The following MTM1 variants were observed in gnomAD, a reference collection of about 807,000 sequenced individuals.
The protein encoded by MTM1 is myotubularin.
Under a neutral mutation model 52.1 loss-of-function variants are expected in MTM1, and 9 were observed. The observed-to-expected ratio is 0.17, with a 90% CI of 0.10 to 0.30. The LOEUF (loss-of-function observed/expected upper bound fraction) is 0.30. Among genes scored for constraint, MTM1 ranks in the 10% least tolerant of loss-of-function variants. MTM1 has a pLI of 1.00. For synonymous variants in MTM1, 136 were observed against 163.8 expected, an observed-to-expected ratio of 0.83 and a Z score of 1.29; for missense variants, 277 against 470.7, an observed-to-expected ratio of 0.59 and a Z score of 3.81.
chrX:150,655,522 C>T (rs1355954230), intron 10 of MTM1, among the ~76,000 whole-genome samples: 1 of 111,289 alleles, frequency 9.0e-6, no homozygotes, highest in Non-Finnish European at 1.9e-5. Context: ...GGATAAATAA[C>T]GTGGTCTATC....
chrX:150,567,684 G>A (rs781950011), upstream of MTM1, among the ~76,000 whole-genome samples: 7 of 111,162 alleles, frequency 6.3e-5, no homozygotes, highest in East Asian at 8.5e-4. Context: ...TTCCCGAGCA[G>A]CTGGTATTAC....
At chrX:150,635,255 C>T (rs192582007) in intron 6 of MTM1, among the ~76,000 whole-genome samples, 1 of 112,349 alleles carries the variant, frequency 8.9e-6, no homozygotes, top group African/African-American at 3.2e-5. Flanking sequence ...AGTACTTGGA[C>T]GTGTTCATTG....
chrX:150,607,416 G>C (rs1053719767), intron 4 of MTM1, among the ~76,000 whole-genome samples: 2 of 111,595 alleles, frequency 1.8e-5, no homozygotes, highest in South Asian at 7.4e-4. Flanking sequence ...TTCCACTTCC[G>C]TACTATTGAC....
chrX:150,636,410 A>G (rs919462541), intron 6 of MTM1, among the ~76,000 whole-genome samples: 7 of 112,284 alleles, frequency 6.2e-5, no homozygotes, highest in Non-Finnish European at 9.4e-5. Flanking sequence ...AAGCAAAAAA[A>G]AGAAGGTGCT....
At chrX:150,623,535 T>A (rs1557413340) in intron 6 of MTM1, among the ~76,000 whole-genome samples, 1 of 111,199 alleles carries the variant, frequency 9.0e-6, no homozygotes. Context: ...GAAGAAAGTT[T>A]TTACCTTAGA....
chrX:150,627,278 T>C (rs1441137769), intron 6 of MTM1, among the ~76,000 whole-genome samples: 2 of 111,462 alleles, frequency 1.8e-5, no homozygotes, highest in African/African-American at 6.5e-5. Flanking sequence ...TCCCACCCCT[T>C]CCTTGCAAAG....
intron 4 of MTM1, among the ~76,000 whole-genome samples, chrX:150,606,168 G>A (rs2039154118): frequency 1.8e-5 from 2 of 111,082 alleles, no homozygotes; most frequent in Admixed American, 9.6e-5. Context: ...ACATCAGTGG[G>A]AGCATAGGAT....
chrX:150,600,949 G>A (rs781924860), intron 4 of MTM1, among the ~76,000 whole-genome samples: 38 of 111,300 alleles, frequency 3.4e-4, no homozygotes, highest in Middle Eastern at 4.6e-3. Flanking sequence ...CCTCAACTAC[G>A]AAAAACAAAA....
chrX:150,655,860 A>T (rs1325109346), intron 10 of MTM1, among the ~76,000 whole-genome samples: 1 of 111,845 alleles, frequency 8.9e-6, no homozygotes, highest in African/African-American at 3.3e-5. Flanking sequence ...TTGCACTCAC[A>T]CTCAGGATGG....
chrX:150,592,944 A>G (rs1352851454), intron 2 of MTM1, among the ~76,000 whole-genome samples: 1 of 110,111 alleles, frequency 9.1e-6, no homozygotes, highest in Non-Finnish European at 1.9e-5. Context: ...CCCAGATTCA[A>G]GTGATTCTCC....
intron 6 of MTM1, among the ~76,000 whole-genome samples, chrX:150,623,357 G>T (rs906916045): frequency 9.0e-6 from 1 of 110,792 alleles, no homozygotes; most frequent in Non-Finnish European, 1.9e-5. Context: ...TGCAACTCTA[G>T]TGCCTAGTCC....
intron 9 of MTM1, among the ~76,000 whole-genome samples, chrX:150,648,229 A>G (rs1012554364): frequency 8.9e-6 from 1 of 111,923 alleles, no homozygotes; most frequent in African/African-American, 3.2e-5. Flanking sequence ...AGAGACCAAG[A>G]TCTCTGGCTT....
chrX:150,583,581 A>T (rs184083687), intron 1 of MTM1, among the ~76,000 whole-genome samples: 4,070 of 20,393 alleles, frequency 0.2, 773 homozygotes, highest in African/African-American at 0.49. Context: ...TTTATATATA[A>T]TATATATAAT....
chrX:150,657,198 C>T (rs1211586223), intron 10 of MTM1, among the ~76,000 whole-genome samples: 2 of 110,324 alleles, frequency 1.8e-5, no homozygotes, highest in Admixed American at 9.7e-5. Context: ...GCACTATTCA[C>T]AATAGCAAAG....
At position 150,671,460 on chromosome X, in the gene MTM1, G is replaced by C; in HGVS notation, c.1677G>C (p.Glu559Asp). The change falls in exon 15 of 15, where the codon GAG becomes GAC. Residue 559 changes from glutamate to aspartate, a missense_variant. By Grantham distance (45) the Glu-to-Asp change is conservative. This residue lies in a region of MTM1 where 51 missense variants were observed against 52.2 expected (regional missense o/e 0.98). Transcript: ENST00000370396. The part of the protein sequence containing the change: ...QPNPVEQRYM[E>D]LLALRDEYIK... ...ATCCAGTGGAGCAGCGTTACATGGA[G>C]CTCTTAGCCTTACGCGACGAATACA... 8.3e-7 allele frequency: 1 copy of C among 1,211,239 alleles called. No homozygotes were observed. The highest frequency in any genetic ancestry group is 1.1e-6 in the Non-Finnish European group (1 of 895,475).
At chrX:150,658,149 C>T (rs1020357536) in intron 11 of MTM1, 122 bp downstream of exon 11, 14 of 603,302 alleles carry the variant, frequency 2.3e-5, no homozygotes, top group Admixed American at 2.3e-4. Flanking sequence ...AAACTTTACG[C>T]GTTTGAAAAT....
At chrX:150,666,149 G>A (rs1350929574) in intron 14 of MTM1, among the ~76,000 whole-genome samples, 1 of 112,259 alleles carries the variant, frequency 8.9e-6, no homozygotes, top group Admixed American at 9.4e-5. Flanking sequence ...TCCATGCCAA[G>A]CTGAGACATA....
chrX:150,623,574 T>A (rs1157701640), intron 6 of MTM1, among the ~76,000 whole-genome samples: 2 of 110,830 alleles, frequency 1.8e-5, no homozygotes, highest in African/African-American at 6.6e-5. Flanking sequence ...AATATATTTG[T>A]GGAAAGAAAT....
At chrX:150,611,085 T>G (rs1189525931) in intron 4 of MTM1, among the ~76,000 whole-genome samples, 3 of 111,784 alleles carry the variant, frequency 2.7e-5, no homozygotes, top group Non-Finnish European at 5.6e-5. Flanking sequence ...CTGAGTAGTA[T>G]TTTTCTCTTT....
Sources: allele counts gnomAD v4.1 joint callset (sites outside exome capture counted in the v4.1 genomes callset), GRCh38; gene constraint gnomAD v4.1.1; regional missense constraint gnomAD v4.1.1; transcripts MANE v1.5; gene names NCBI Gene and HGNC (gene_info 2026-07-23, HGNC 2026-07-21).